Variants in KIAA0825 observed in about 807,000 individuals in gnomAD.
The protein encoded by KIAA0825 is KIAA0825, also known as uncharacterized protein KIAA0825.
KIAA0825 carries 119 observed loss-of-function variants against 147.6 expected under a neutral mutation model. The observed-to-expected ratio is 0.81, with a 90% CI of 0.69 to 0.94. The LOEUF is 0.94. Ranked by LOEUF, KIAA0825 falls within the 40% of genes least tolerant of loss-of-function variation. The pLI is 0.00. For missense variants in KIAA0825, 1,381 were observed against 1,472.7 expected, an observed-to-expected ratio of 0.94 and a Z score of 1.02; for synonymous variants, 470 against 518.1, an observed-to-expected ratio of 0.91 and a Z score of 1.26.
At position 94,594,792 on chromosome 5, in the gene KIAA0825, T is replaced by C. The variant is rs984688345; in HGVS notation, c.-152-12209A>G. On this transcript the variant is annotated intron_variant, in intron 1 of 20. Transcript: ENST00000682413. ...TGCATTTAGAGAAGTCGAATCATGA[T>C]TGTAGTTTTTATTTAAAATGAGTGT... 3.8e-6 allele frequency: 2 copies of C among 533,002 alleles called. 1 individual carries two copies. 33.0% of individuals were successfully genotyped at this position (533,002 alleles called of 1,614,324 possible).
intron 6 of KIAA0825, 32 bp downstream of exon 6, chr5:94,484,737 G>C: frequency 1.5e-6 from 2 of 1,365,246 alleles, no homozygotes; most frequent in Non-Finnish European, 1.9e-6. Flanking sequence ...AGAAATTATA[G>C]ATTTACAAAT....
intron 2 of KIAA0825, among the ~76,000 whole-genome samples, chr5:94,558,553 C>T (rs1441326865): frequency 2.0e-5 from 3 of 152,130 alleles, no homozygotes; most frequent in East Asian, 1.9e-4. Context: ...TTAAAGTAAC[C>T]ACAGTAGTTT....
intron 2 of KIAA0825, among the ~76,000 whole-genome samples, chr5:94,548,593 T>TA (rs1774915318): frequency 6.6e-6 from 1 of 152,126 alleles, no homozygotes; most frequent in Admixed American, 6.5e-5. Context: ...GTAAATGGAC[T>TA]AAACTCTCCA....
At position 94,396,332 on chromosome 5, in the gene KIAA0825, A is replaced by T; in HGVS notation, c.3065T>A (p.Ile1022Lys). 1 of 1,550,800 alleles carries T rather than the reference A, an allele frequency of 6.4e-7. No individual in the cohort carries two copies. Among genetic ancestry groups the T allele is most frequent in the Non-Finnish European group, 8.7e-7 (1 of 1,146,690 alleles). Residue 1022 changes from isoleucine to lysine, a missense_variant, in exon 17 of 21, where the codon ATA becomes AAA. Coordinates refer to ENST00000682413, the MANE Select transcript of KIAA0825 (RefSeq NM_001145678.3). ...GTTTCCGTCCTCAAATATCCGACAT[A>T]TAATTACAATCAAGTTCCAGACAAG... is the stretch of plus-strand genomic sequence containing the variant. Reference protein sequence around the residue: ...GLLVWNLIVIICRIFEDGNTV... With the variant: ...GLLVWNLIVIKCRIFEDGNTV...
intron 10 of KIAA0825, among the ~76,000 whole-genome samples, chr5:94,466,524 C>A (rs1006905384): frequency 6.6e-6 from 1 of 151,966 alleles, no homozygotes. Flanking sequence ...TCGAGACCAT[C>A]ATGGCTAACA....
intron 5 of KIAA0825, among the ~76,000 whole-genome samples, chr5:94,500,771 A>T (rs1310581000): frequency 6.6e-6 from 1 of 151,998 alleles, no homozygotes; most frequent in Non-Finnish European, 1.5e-5. Flanking sequence ...ATTTCATCTT[A>T]TTTCATTACT....
chr5:94,573,503 C>T (rs1780372475), intron 2 of KIAA0825, among the ~76,000 whole-genome samples: 1 of 152,138 alleles, frequency 6.6e-6, no homozygotes, highest in Non-Finnish European at 1.5e-5. Context: ...AATTCCTGAC[C>T]TCAAGTGATC....
chr5:94,156,963 T>G (rs746631023), intron 20 of KIAA0825, among the ~76,000 whole-genome samples: 3 of 151,772 alleles, frequency 2.0e-5, no homozygotes, highest in Non-Finnish European at 4.4e-5. Context: ...GTTAACACAA[T>G]GCAAAAACAA....
At chr5:94,340,035 C>G (rs1360802907) in intron 20 of KIAA0825, among the ~76,000 whole-genome samples, 2 of 152,086 alleles carry the variant, frequency 1.3e-5, no homozygotes, top group Non-Finnish European at 2.9e-5. Context: ...CTGAAAAATA[C>G]TATTCATATT....
At chr5:94,576,791 T>C (rs1281302819) in intron 2 of KIAA0825, among the ~76,000 whole-genome samples, 1 of 152,226 alleles carries the variant, frequency 6.6e-6, no homozygotes, top group African/African-American at 2.4e-5. Flanking sequence ...TACTCAATAA[T>C]GGCACCTTAC....
At chr5:94,247,789 T>C (rs1775707664) in intron 20 of KIAA0825, among the ~76,000 whole-genome samples, 1 of 152,098 alleles carries the variant, frequency 6.6e-6, no homozygotes, top group South Asian at 2.1e-4. Context: ...CTTTTTAGCA[T>C]GGGAAAAAGT....
chr5:94,535,367 G>T (rs1332857801), intron 3 of KIAA0825, among the ~76,000 whole-genome samples: 1 of 151,748 alleles, frequency 6.6e-6, no homozygotes, highest in Non-Finnish European at 1.5e-5. Context: ...AAAATTAGCT[G>T]CGTGTGGCGG....
At chr5:94,489,495 C>T (rs146342700) in intron 5 of KIAA0825, among the ~76,000 whole-genome samples, 174 of 150,986 alleles carry the variant, frequency 1.2e-3, no homozygotes, top group African/African-American at 4.1e-3. Flanking sequence ...AAATCACTCT[C>T]TAAGCATCAA....
intron 14 of KIAA0825, among the ~76,000 whole-genome samples, chr5:94,427,383 A>G (rs1212196483): frequency 6.6e-6 from 1 of 152,076 alleles, no homozygotes; most frequent in Admixed American, 6.5e-5. Context: ...AAAATTTTCT[A>G]AAAATAGCCA....
At chr5:94,232,817 T>C (rs559513497) in intron 20 of KIAA0825, among the ~76,000 whole-genome samples, 1 of 152,234 alleles carries the variant, frequency 6.6e-6, no homozygotes, top group Admixed American at 6.5e-5. Context: ...TGAAAAAAAT[T>C]CATACAGATA....
At position 94,604,901 on chromosome 5, in the gene KIAA0825, C is replaced by T. The variant is rs1393868400; in HGVS notation, c.-153+13599G>A. On this transcript the variant is annotated intron_variant, in intron 1 of 20. Coordinates refer to ENST00000682413, the MANE Select transcript of KIAA0825 (RefSeq NM_001145678.3). ...AGACAAGAAATAACCAAAATAAGGG[C>T]TGAACTGAAGGAGATAGAGACAAGA... Among the ~76,000 whole-genome samples, 4 of 151,710 alleles carry T rather than the reference C, an allele frequency of 2.6e-5. No individual in the cohort carries two copies. In the East Asian group the frequency reaches 5.8e-4, roughly 22 times the overall value.
At chr5:94,545,836 A>T (rs556182015) in intron 2 of KIAA0825, among the ~76,000 whole-genome samples, 1 of 152,252 alleles carries the variant, frequency 6.6e-6, no homozygotes, top group African/African-American at 2.4e-5. Context: ...ACAGGGGGAA[A>T]AGTAAAAGGG....
intron 20 of KIAA0825, among the ~76,000 whole-genome samples, chr5:94,330,510 T>C (rs1407621402): frequency 1.3e-5 from 2 of 152,140 alleles, no homozygotes; most frequent in African/African-American, 4.8e-5. Flanking sequence ...AAAATATTTT[T>C]AGTTAAATAA....
intron 20 of KIAA0825, among the ~76,000 whole-genome samples, chr5:94,169,916 C>G (rs1443618854): frequency 6.6e-6 from 1 of 152,116 alleles, no homozygotes; most frequent in African/African-American, 2.4e-5. Context: ...CCAGGAATTA[C>G]CCAAAGTCCC....
Sources: gnomAD v4.1 joint callset for allele counts (sites outside exome capture counted in the v4.1 genomes callset) on GRCh38, gnomAD v4.1.1 for gene constraint, MANE v1.5 for transcripts, NCBI Gene and HGNC (gene_info 2026-07-23, HGNC 2026-07-21) for gene names.